The following MBP variants were observed in gnomAD, a reference collection of about 807,000 sequenced individuals.
The protein encoded by MBP is myelin basic protein.
Under a neutral mutation model 35.8 loss-of-function variants are expected in MBP, and 16 were observed. The observed-to-expected ratio is 0.45, with a 90% CI of 0.30 to 0.68. MBP has a LOEUF of 0.68. MBP is among the 30% of genes least tolerant of loss of function. MBP has a pLI of 0.08. For missense variants in MBP, 380 were observed against 404.7 expected, an observed-to-expected ratio of 0.94 and a Z score of 0.52; for synonymous variants, 143 against 159.6, an observed-to-expected ratio of 0.90 and a Z score of 0.78.
chr18:77,035,679 C>G (rs536100033), intron 3 of MBP, among the ~76,000 whole-genome samples: 1 of 152,280 alleles, frequency 6.6e-6, no homozygotes, highest in African/African-American at 2.4e-5. Context: ...GACCATGAGG[C>G]TGACTTATTT....
chr18:77,106,012 C>T (rs575038389), intron 1 of MBP, among the ~76,000 whole-genome samples: 1 of 152,346 alleles, frequency 6.6e-6, no homozygotes, highest in Non-Finnish European at 1.5e-5. Context: ...CCTGCCCTGG[C>T]CTTGGGGCTC....
intron 1 of MBP, among the ~76,000 whole-genome samples, chr18:77,119,231 C>T (rs867180634): frequency 6.6e-6 from 1 of 152,076 alleles, no homozygotes; most frequent in Admixed American, 6.5e-5. Context: ...GTCCTGGAAG[C>T]CACCAGGACC....
chr18:77,055,321 C>G (rs758577183), intron 3 of MBP, among the ~76,000 whole-genome samples: 1 of 152,200 alleles, frequency 6.6e-6, no homozygotes, highest in Admixed American at 6.5e-5. Context: ...TTTGTACCAA[C>G]TGATAAAATG....
intron 3 of MBP, among the ~76,000 whole-genome samples, chr18:77,060,357 A>C (rs1973919385): frequency 6.6e-6 from 1 of 152,138 alleles, no homozygotes; most frequent in Non-Finnish European, 1.5e-5. Flanking sequence ...AATGAACGGC[A>C]GCACTCATTA....
At chr18:77,068,294 G>A (rs1474914076) in intron 2 of MBP, among the ~76,000 whole-genome samples, 2 of 152,184 alleles carry the variant, frequency 1.3e-5, no homozygotes, top group Non-Finnish European at 2.9e-5. Flanking sequence ...AGACGCCCCC[G>A]TATGAAGTAT....
chr18:77,129,771 T>C (rs994983933), intron 1 of MBP, among the ~76,000 whole-genome samples: 6 of 152,186 alleles, frequency 3.9e-5, no homozygotes, highest in African/African-American at 1.4e-4. Context: ...GGCTCATGCC[T>C]GTAATCCCAG....
chr18:77,132,650 C>G lies in MBP; in HGVS notation c.-96G>C, dbSNP rs375103518. The G allele has an allele frequency of 6.6e-6, 1 of 152,164 alleles. No individual in the cohort carries two copies. Among genetic ancestry groups the G allele is most frequent in the African/African-American group, 2.4e-5 (1 of 41,424 alleles). 9.4% of individuals were successfully genotyped at this position (152,164 alleles called of 1,614,324 possible). On this transcript the variant is annotated 5_prime_UTR_variant, in exon 1 of 9. Coordinates refer to ENST00000355994, the MANE Select transcript of MBP (RefSeq NM_001025101.2). ...CAAGGCCCTGCTCCGCCTGCCCAGG[C>G]CCGGGCAGGCTGGTCTCGGCTTCAA...
Position 77,020,856 on chromosome 18 carries a change from A to G in MBP, c.140-3588T>C, listed in dbSNP as rs1230184532. The stretch of plus-strand genomic sequence containing the variant: ...ACCTAGCTCACCACAGGCCTGCCTA[A>G]GAGTGGACGGCTCCAGGCTGCAGTG... On this transcript the variant is annotated intron_variant, in intron 3 of 8. Transcript: ENST00000355994. The surrounding 1 kb of genome is among the most constrained non-coding windows in gnomAD (Gnocchi z 4.1). Among the ~76,000 whole-genome samples, 1 of 152,236 alleles carries G rather than the reference A, an allele frequency of 6.6e-6. No homozygotes were observed.
At chr18:77,013,142 A>C in intron 4 of MBP, 1 of 985,470 alleles carries the variant, frequency 1.0e-6, no homozygotes, top group Non-Finnish European at 1.2e-6. Context: ...AAATCTCAAA[A>C]GGTATTTGTT....
At chr18:77,000,827 T>C (rs1599517144) in intron 4 of MBP, among the ~76,000 whole-genome samples, 3 of 152,194 alleles carry the variant, frequency 2.0e-5, no homozygotes, top group Admixed American at 6.5e-5. Flanking sequence ...GCCCGATGCA[T>C]CTGAAGATCA....
Position 76,988,342 on chromosome 18 carries a change from C to G in MBP, c.750+153G>C, listed in dbSNP as rs1470591713. 2.5e-6 allele frequency: 4 copies of G among 1,600,514 alleles called. No individual in the cohort carries two copies. In the South Asian group the frequency reaches 4.5e-5, roughly 18 times the overall value. The stretch of plus-strand genomic sequence containing the variant: ...CACGTTTCATTTCCCCAGTGGAAGA[C>G]AAGGCGGCCCGATCCCAGCTGTGGG... On this transcript the variant is annotated intron_variant, in intron 7 of 8. Coordinates refer to ENST00000355994, the MANE Select transcript of MBP (RefSeq NM_001025101.2). The surrounding 1 kb of genome is among the most constrained non-coding windows in gnomAD (Gnocchi z 5.2).
chr18:76,989,073 A>G lies in MBP; in HGVS notation c.682-161T>C, dbSNP rs1218794517. 1.1e-5 allele frequency: 8 copies of G among 752,534 alleles called. No homozygotes were observed. In the South Asian group the frequency reaches 1.1e-4, roughly 10 times the overall value. 46.6% of individuals were successfully genotyped at this position (752,534 alleles called of 1,614,324 possible). A position where few individuals can be genotyped will look rare whatever the true frequency, so the allele number is the denominator to read the frequency against. ...TCTGTCCTAGTTGGTGAAGAAGTAT[A>G]GACCTGAGATTGAAAATATTCTAGA... On this transcript the variant is annotated intron_variant, in intron 5 of 8. Transcript: ENST00000355994. This position sits in a 1 kb window ranked among gnomAD's most constrained non-coding sequence, Gnocchi z 4.0.
intron 4 of MBP, chr18:77,013,007 C>A: frequency 1.0e-6 from 1 of 985,478 alleles, no homozygotes; most frequent in Non-Finnish European, 1.2e-6. Context: ...TCTATTCATA[C>A]AACAGCAACA....
intron 1 of MBP, among the ~76,000 whole-genome samples, chr18:77,116,951 G>A (rs924656090): frequency 6.6e-6 from 1 of 152,166 alleles, no homozygotes; most frequent in Non-Finnish European, 1.5e-5. Flanking sequence ...CCAACAGGTC[G>A]GAGCTGAGCT....
intron 3 of MBP, among the ~76,000 whole-genome samples, chr18:77,021,545 A>G (rs1200878979): frequency 6.9e-6 from 1 of 144,288 alleles, no homozygotes; most frequent in Non-Finnish European, 1.5e-5. Context: ...GTGTGATGGC[A>G]CAATCTCAGC....
intron 1 of MBP, among the ~76,000 whole-genome samples, chr18:77,124,059 C>T (rs1976967540): frequency 6.6e-6 from 1 of 152,158 alleles, no homozygotes; most frequent in Non-Finnish European, 1.5e-5. Context: ...ACCTTCCTAC[C>T]TGGAAGGAGC....
chr18:77,110,005 A>G (rs1454785601), intron 1 of MBP: 1 of 152,134 alleles, frequency 6.6e-6, no homozygotes, highest in Non-Finnish European at 1.5e-5. Context: ...AACAGGATTT[A>G]TTTTACAATG....
chr18:77,120,215 C>A (rs547605511), intron 1 of MBP, among the ~76,000 whole-genome samples: 4 of 152,252 alleles, frequency 2.6e-5, no homozygotes, highest in Non-Finnish European at 5.9e-5. Context: ...AGGGAACACA[C>A]GCTCCCGTAG....
At chr18:76,987,964 T>C in intron 7 of MBP, 1 of 1,184,890 alleles carries the variant, frequency 8.4e-7, no homozygotes, top group Non-Finnish European at 1.1e-6. Context: ...TATGTTTTAA[T>C]TATTATTTAA....
Sources: allele counts gnomAD v4.1 joint callset (sites outside exome capture counted in the v4.1 genomes callset), GRCh38; gene constraint gnomAD v4.1.1; non-coding constraint Gnocchi (gnomAD v3.1); transcripts MANE v1.5; gene names NCBI Gene and HGNC (gene_info 2026-07-23, HGNC 2026-07-21).